Variants in PLEKHM3 observed in about 807,000 individuals in gnomAD.
PLEKHM3 encodes pleckstrin homology domain containing M3.
In PLEKHM3, 45 loss-of-function variants were observed where a neutral mutation model predicts 81.8. The observed-to-expected ratio is 0.55, with a 90% confidence interval of 0.43 to 0.71. The LOEUF (loss-of-function observed/expected upper bound fraction) is 0.71, where lower values mean the gene tolerates loss of function less well. Ranked by LOEUF, PLEKHM3 falls within the 30% of genes least tolerant of loss-of-function variation. PLEKHM3 has a pLI of 0.00. For missense variants in PLEKHM3, 788 were observed against 924.3 expected (o/e 0.85, Z 1.91); for synonymous variants, 352 against 356.4 (o/e 0.99, Z 0.14).
chr2:208,015,691 T>C (rs529142050), intron 1 of PLEKHM3, among the ~76,000 whole-genome samples: 3 of 152,358 alleles, frequency 2.0e-5, no homozygotes, highest in Admixed American at 6.5e-5. Context: ...CTTCTGCAAA[T>C]GTTTACATAG....
At chr2:207,909,559 C>T (rs1688745706) in intron 5 of PLEKHM3, among the ~76,000 whole-genome samples, 1 of 152,148 alleles carries the variant, frequency 6.6e-6, no homozygotes, top group South Asian at 2.1e-4. Flanking sequence ...GGGAAAGACA[C>T]ATAAGCTGAT....
At chr2:207,971,204 C>T (rs1393602538) in intron 3 of PLEKHM3, among the ~76,000 whole-genome samples, 1 of 152,150 alleles carries the variant, frequency 6.6e-6, no homozygotes, top group Non-Finnish European at 1.5e-5. Flanking sequence ...TGCAAGGTTT[C>T]TTGATTGCTA....
chr2:207,841,209 G>A (rs1365329389), intron 7 of PLEKHM3, among the ~76,000 whole-genome samples: 1 of 151,246 alleles, frequency 6.6e-6, no homozygotes, highest in Non-Finnish European at 1.5e-5. Context: ...GCTCACGCCT[G>A]TAATCCCAGC....
Position 207,843,966 on chromosome 2 carries a change from C to T in PLEKHM3, c.2109-15470G>A, listed in dbSNP as rs1344636882. 6.6e-6 allele frequency among the ~76,000 whole-genome samples: 1 copy of T among 151,900 alleles called. No individual in the cohort carries two copies. The highest frequency in any genetic ancestry group is 1.5e-5 in the Non-Finnish European group (1 of 67,980). ...AGCATGGTGGCGTGCATCTGTAGTC[C>T]CAGTTACCTGGGAGGCTGAGGCTGG... On this transcript the variant is annotated intron_variant, in intron 7 of 7. Coordinates refer to ENST00000427836, the MANE Select transcript of PLEKHM3 (RefSeq NM_001080475.3). The surrounding 1 kb of genome is among the most constrained non-coding windows in gnomAD (Gnocchi z 4.4).
chr2:207,916,301 T>C (rs1266565509), intron 5 of PLEKHM3, among the ~76,000 whole-genome samples: 1 of 152,196 alleles, frequency 6.6e-6, no homozygotes, highest in Non-Finnish European at 1.5e-5. Flanking sequence ...GTAATTTTAA[T>C]TGTGAGTATT....
intron 7 of PLEKHM3, among the ~76,000 whole-genome samples, chr2:207,857,361 AT>A (rs920930707): frequency 5.6e-4 from 84 of 149,640 alleles, no homozygotes; most frequent in African/African-American, 1.6e-3. Context: ...GAGTTTGGCA[AT>A]TTTTTTTTTG....
chr2:207,908,438 G>T (rs1168208278), intron 6 of PLEKHM3, 76 bp downstream of exon 6: 6 of 1,354,168 alleles, frequency 4.4e-6, no homozygotes, highest in Non-Finnish European at 5.2e-6. Context: ...GGCAGAATAC[G>T]GTGCAAAGAC....
Position 207,896,828 on chromosome 2 carries a change from G to A in PLEKHM3, c.1950+11686C>T, listed in dbSNP as rs138021608. Among the ~76,000 whole-genome samples, 372 of 152,298 alleles carry A rather than the reference G, an allele frequency of 2.4e-3. 2 individuals carry two copies. The highest frequency in any genetic ancestry group is 8.5e-3 in the African/African-American group (354 of 41,546). On this transcript the variant is annotated intron_variant, in intron 6 of 7. Coordinates refer to ENST00000427836, the MANE Select transcript of PLEKHM3 (RefSeq NM_001080475.3). ...ATTTCAGTCTGGTAAGCTTCTCTCC[G>A]CAGCTGTAGAAAGAGTGTGGACTCC...
rs1425334282 is a variant in PLEKHM3 at position 207,821,909 on chromosome 2, A to G, written c.*6410T>C. 1 of 152,076 alleles carries G rather than the reference A, an allele frequency of 6.6e-6. No individual in the cohort carries two copies. Among genetic ancestry groups the G allele is most frequent in the Non-Finnish European group, 1.5e-5 (1 of 68,028 alleles). 9.4% of individuals were successfully genotyped at this position (152,076 alleles called of 1,614,324 possible). On this transcript the variant is annotated 3_prime_UTR_variant, in exon 8 of 8. Coordinates refer to ENST00000427836, the MANE Select transcript of PLEKHM3 (RefSeq NM_001080475.3). ...CCCTCCTTTGGCCATTCCTTCTTTT[A>G]GCTACTATTCCTAAGAAACAGATTT...
intron 3 of PLEKHM3, 29 bp from the exon 4 acceptor site, chr2:207,946,541 A>G: frequency 6.2e-7 from 1 of 1,610,532 alleles, no homozygotes; most frequent in African/African-American, 1.3e-5. Flanking sequence ...AGAGTCTATG[A>G]TTGCTGTTGT....
chr2:207,850,596 A>T (rs1042778392), intron 7 of PLEKHM3, among the ~76,000 whole-genome samples: 2 of 152,222 alleles, frequency 1.3e-5, no homozygotes, highest in African/African-American at 4.8e-5. Flanking sequence ...CAAGGTTCAG[A>T]AATAGCATCT....
rs1156582435 is a variant in PLEKHM3, at chr2:207,977,296, G to A, written c.901C>T (p.Gln301Ter). The change falls in exon 3 of 8, where the codon CAG becomes TAG. Residue 301 changes from glutamine to a stop codon, truncating the protein, a stop_gained. Transcript: ENST00000427836. LOFTEE classifies it high-confidence loss of function. ...ESPWEALDWG[Q>*]KLWEVVHAAV... Reference sequence around the variant, plus strand: ...GCATGCACTACTTCCCAAAGCTTCTGTCCCCAGTCCAAAGCCTCCCATGGT... The same window carrying A: ...GCATGCACTACTTCCCAAAGCTTCTATCCCCAGTCCAAAGCCTCCCATGGT... The A allele has an allele frequency of 1.9e-6, 3 of 1,614,030 alleles. No homozygotes were observed. The highest frequency in any genetic ancestry group is 2.5e-6 in the Non-Finnish European group (3 of 1,180,028).
intron 5 of PLEKHM3, among the ~76,000 whole-genome samples, chr2:207,914,607 A>G (rs986021514): frequency 4.6e-5 from 7 of 151,552 alleles, no homozygotes; most frequent in Non-Finnish European, 7.4e-5. Flanking sequence ...AATTGAGCCC[A>G]GGAGGTTGAG....
chr2:207,892,172 T>C lies in PLEKHM3; in HGVS notation c.1950+16342A>G, dbSNP rs560749519. Among the ~76,000 whole-genome samples the C allele has an allele frequency of 9.2e-5, 14 of 152,244 alleles. No individual in the cohort carries two copies. The South Asian group carries it at 2.7e-3, about 29-fold the overall frequency. On this transcript the variant is annotated intron_variant, in intron 6 of 7. Transcript: ENST00000427836. Reference sequence around the variant, plus strand: ...TATACTTTTCTTCAAACTCACTGCATCACAGTACATTGAACCTAGCACTGA... The same window carrying C: ...TATACTTTTCTTCAAACTCACTGCACCACAGTACATTGAACCTAGCACTGA...
intron 5 of PLEKHM3, among the ~76,000 whole-genome samples, chr2:207,920,344 T>C (rs1197189626): frequency 6.6e-6 from 1 of 151,886 alleles, no homozygotes; most frequent in East Asian, 1.9e-4. Context: ...GAGAGACGAG[T>C]TTTACATTTA....
rs554390322 is a variant in PLEKHM3, at chr2:207,940,704, T to C, written c.1692+5663A>G. On this transcript the variant is annotated intron_variant, in intron 4 of 7. Transcript: ENST00000427836. ...CCTCAAGGGCCACATGACACGATGG[T>C]GGCACGAAGGAGAGAGCCAGCAATG... Among the ~76,000 whole-genome samples the C allele has an allele frequency of 2.0e-5, 3 of 152,256 alleles. No homozygotes were observed. The South Asian group carries it at 6.2e-4, about 32-fold the overall frequency.
chr2:207,846,556 C>CA (rs970560633), intron 7 of PLEKHM3, among the ~76,000 whole-genome samples: 124 of 149,482 alleles, frequency 8.3e-4, no homozygotes, highest in African/African-American at 2.6e-3. Flanking sequence ...CCCATCTCTA[C>CA]AAAAAAAAAT....
chr2:208,011,867 G>A (rs971626157), intron 1 of PLEKHM3, among the ~76,000 whole-genome samples: 5 of 128,534 alleles, frequency 3.9e-5, no homozygotes, highest in Admixed American at 3.0e-4. Flanking sequence ...GTGTGATCTC[G>A]GCTCACGGCA....
intron 1 of PLEKHM3, among the ~76,000 whole-genome samples, chr2:208,004,709 A>G (rs570176219): frequency 6.6e-6 from 1 of 152,288 alleles, no homozygotes; most frequent in South Asian, 2.1e-4. Context: ...GTAATTGTTC[A>G]TATGACCCTC....
Sources: allele counts gnomAD v4.1 joint callset (sites outside exome capture counted in the v4.1 genomes callset), GRCh38; gene constraint gnomAD v4.1.1; non-coding constraint Gnocchi (gnomAD v3.1); transcripts MANE v1.5; gene names NCBI Gene and HGNC (gene_info 2026-07-23, HGNC 2026-07-21).